The following SCNN1B variants were observed in gnomAD, a reference collection of about 807,000 sequenced individuals.
SCNN1B encodes the protein epithelial sodium channel subunit beta.
A neutral mutation model predicts 65.3 loss-of-function variants in SCNN1B; 46 were observed. The ratio of observed to expected loss-of-function variants is 0.70; its 90% CI spans 0.56 to 0.90. The LOEUF is 0.90. SCNN1B is among the 40% of genes least tolerant of loss of function. The pLI, the probability that SCNN1B is intolerant of heterozygous loss-of-function variation, is 0.00. For synonymous variants in SCNN1B, 349 were observed against 330.6 expected (o/e 1.06, Z -0.60); for missense variants, 751 against 830.5 (o/e 0.90, Z 1.18).
At chr16:23,352,179 G>A (rs192426601) in intron 2 of SCNN1B, among the ~76,000 whole-genome samples, 88 of 152,322 alleles carry the variant, frequency 5.8e-4, no homozygotes, top group Middle Eastern at 3.4e-3. Flanking sequence ...CTACTGTATC[G>A]TCTGTGCCTT....
intron 1 of SCNN1B, among the ~76,000 whole-genome samples, chr16:23,316,998 A>T (rs920531350): frequency 3.3e-5 from 5 of 152,222 alleles, no homozygotes; most frequent in African/African-American, 1.2e-4. Context: ...CCCAGACCCA[A>T]GAAGCAGCCC....
At chr16:23,339,896 T>C (rs1370143442) in intron 1 of SCNN1B, among the ~76,000 whole-genome samples, 2 of 152,034 alleles carry the variant, frequency 1.3e-5, no homozygotes, top group African/African-American at 2.4e-5. Flanking sequence ...CAAACTACCT[T>C]CCAAAGTGAC....
chr16:23,321,817 G>A (rs1567296477), intron 1 of SCNN1B, among the ~76,000 whole-genome samples: 1 of 152,146 alleles, frequency 6.6e-6, no homozygotes, highest in Non-Finnish European at 1.5e-5. Flanking sequence ...GAGTCCAGGA[G>A]TTTGAGATCA....
intron 1 of SCNN1B, among the ~76,000 whole-genome samples, chr16:23,343,159 G>C (rs1260201827): frequency 1.3e-5 from 2 of 152,038 alleles, no homozygotes; most frequent in Non-Finnish European, 2.9e-5. Context: ...TGTCTCGTAA[G>C]AGAACTGAAA....
rs376742229 is a variant in SCNN1B, at chr16:23,334,457, A to G, written c.-8-14135A>G. 4.6e-5 allele frequency among the ~76,000 whole-genome samples: 7 copies of G among 152,270 alleles called. No homozygotes were observed. The East Asian group carries it at 1.4e-3, about 29-fold the overall frequency. On this transcript the variant is annotated intron_variant, in intron 1 of 12. Coordinates refer to ENST00000343070, the MANE Select transcript of SCNN1B (RefSeq NM_000336.3). ...AAAGAGACAAGGTGGCATGTGACCAATGGCAGTGGAGGGCAGGCAGTGGGG... is the reference window on the plus strand; with the variant it reads ...AAAGAGACAAGGTGGCATGTGACCAGTGGCAGTGGAGGGCAGGCAGTGGGG...
At chr16:23,341,166 C>A (rs1326562376) in intron 1 of SCNN1B, among the ~76,000 whole-genome samples, 1 of 151,996 alleles carries the variant, frequency 6.6e-6, no homozygotes, top group African/African-American at 2.4e-5. Flanking sequence ...GCTTTCTTTT[C>A]ATTTAAATGC....
chr16:23,287,037 T>C (rs926803539), intron 2 of SCNN1B, among the ~76,000 whole-genome samples: 124 of 150,644 alleles, frequency 8.2e-4, no homozygotes, highest in African/African-American at 2.8e-3. Flanking sequence ...AGAGTTTTGC[T>C]CTTGTCACCC....
At chr16:23,355,598 C>T in intron 4 of SCNN1B, 109 bp downstream of exon 4, 1 of 1,093,918 alleles carries the variant, frequency 9.1e-7, no homozygotes. Flanking sequence ...CAGCCACTTA[C>T]CGGCTATCTG....
At chr16:23,297,287 C>T (rs1221554308) in intron 2 of SCNN1B, among the ~76,000 whole-genome samples, 2 of 152,162 alleles carry the variant, frequency 1.3e-5, no homozygotes, top group African/African-American at 4.8e-5. Flanking sequence ...CAGTTTAGAG[C>T]CAGACATTCC....
chr16:23,354,605 G>A (rs1201782925), intron 3 of SCNN1B, among the ~76,000 whole-genome samples: 6 of 152,228 alleles, frequency 3.9e-5, no homozygotes, highest in Non-Finnish European at 1.5e-5. Context: ...ACAGATAAGA[G>A]GCAGCATTTC....
rs554014060 is a variant in SCNN1B, at chr16:23,303,788, A to G, written c.-9+1351A>G. Among the ~76,000 whole-genome samples the G allele has an allele frequency of 2.2e-4, 33 of 151,838 alleles. 1 individual carries two copies. In the South Asian group the frequency reaches 6.7e-3, roughly 31 times the overall value. The stretch of plus-strand genomic sequence containing the variant: ...AAAAAAATTAGCCGGGCATAGTGGT[A>G]TGTGCCTGTAATCCCAGCTACTCAG... On this transcript the variant is annotated intron_variant, in intron 1 of 12. Coordinates refer to ENST00000343070, the MANE Select transcript of SCNN1B (RefSeq NM_000336.3).
At chr16:23,306,816 G>A (rs1961229188) in intron 1 of SCNN1B, among the ~76,000 whole-genome samples, 1 of 152,206 alleles carries the variant, frequency 6.6e-6, no homozygotes, top group Non-Finnish European at 1.5e-5. Context: ...TTTGTAGTAG[G>A]GTGAGTAGGA....
In SCNN1B at chr16:23,352,981, T is replaced by C; in HGVS notation, c.492T>C (p.Leu164=). 1 of 1,614,192 alleles carries C rather than the reference T, an allele frequency of 6.2e-7. No individual in the cohort carries two copies. The highest frequency in any genetic ancestry group is 1.1e-5 in the South Asian group (1 of 91,080). Residue 164 remains leucine (L), a synonymous_variant, in exon 3 of 13, where the codon CTT becomes CTC. Transcript: ENST00000343070. ...GGAACCCCCACCACCCCATGGTCCT[T>C]GATCTCTTTGGAGACAACCACAATG... ...DERNPHHPMV[L]DLFGDNHNGL... is the part of the protein sequence containing the mutation.
At chr16:23,337,797 T>G (rs1401577372) in intron 1 of SCNN1B, among the ~76,000 whole-genome samples, 1 of 152,150 alleles carries the variant, frequency 6.6e-6, no homozygotes, top group Non-Finnish European at 1.5e-5. Flanking sequence ...CCAGGCACAG[T>G]GGCTCATACC....
Position 23,304,056 on chromosome 16 carries a change from G to A in SCNN1B, c.-9+1619G>A, listed in dbSNP as rs146286464. On this transcript the variant is annotated intron_variant, in intron 1 of 12. Coordinates refer to ENST00000343070, the MANE Select transcript of SCNN1B (RefSeq NM_000336.3). ...TTAAACTGCTGCATGGATTCCCGCC[G>A]TGGATAATGCCTACCGATGGGAATT... The A allele has an allele frequency of 2.9e-4, 451 of 1,535,668 alleles. 1 individual carries two copies. The East Asian group carries it at 6.1e-3, about 21-fold the overall frequency.
intron 1 of SCNN1B, among the ~76,000 whole-genome samples, chr16:23,308,598 T>C (rs1961270884): frequency 6.6e-6 from 1 of 151,766 alleles, no homozygotes; most frequent in Non-Finnish European, 1.5e-5. Context: ...AGCCTTGCAA[T>C]CTGTAATTTA....
chr16:23,352,929 A>T lies in SCNN1B; in HGVS notation c.440A>T (p.His147Leu), dbSNP rs1449548633. 1 of 1,614,162 alleles carries T rather than the reference A, an allele frequency of 6.2e-7. No homozygotes were observed. Residue 147 changes from histidine (H) to leucine (L), a missense_variant, in exon 3 of 13, where the codon CAC becomes CTC. By Grantham distance (99) the His-to-Leu change is moderately conservative. Transcript: ENST00000343070. ...AACCTGAACTTCTCCATCTGGAACC[A>T]CACACCCCTGGTCCTTATTGATGAA... ...TRNLNFSIWN[H>L]TPLVLIDERN...
At chr16:23,312,687 GGA>G (rs1205316277) in intron 1 of SCNN1B, among the ~76,000 whole-genome samples, 1 of 152,148 alleles carries the variant, frequency 6.6e-6, no homozygotes, top group Non-Finnish European at 1.5e-5. Context: ...TTGGGTGAGT[GGA>G]GAGAGGGCAA....
At chr16:23,363,757 T>A (rs1962597043) in intron 4 of SCNN1B, among the ~76,000 whole-genome samples, 1 of 150,300 alleles carries the variant, frequency 6.7e-6, no homozygotes, top group African/African-American at 2.5e-5. Context: ...GAGGCTGCAG[T>A]AAGCTATGAT....
Sources: allele counts gnomAD v4.1 joint callset (sites outside exome capture counted in the v4.1 genomes callset), GRCh38; gene constraint gnomAD v4.1.1; transcripts MANE v1.5; gene names NCBI Gene and HGNC (gene_info 2026-07-23, HGNC 2026-07-21).